The following ATP8A2 variants were observed in gnomAD, a reference collection of about 807,000 sequenced individuals.
The protein encoded by ATP8A2 is ATPase phospholipid transporting 8A2.
In ATP8A2, 100 loss-of-function variants were observed where a neutral mutation model predicts 165.6. The observed-to-expected ratio is 0.60, with a 90% CI of 0.51 to 0.71. ATP8A2 has a LOEUF of 0.71. ATP8A2 is among the 30% of genes least tolerant of loss of function. The probability of loss-of-function intolerance (pLI) is 0.00; values close to 1 mark genes in which losing one functional copy is unlikely to be tolerated. For synonymous variants in ATP8A2, 543 were observed against 548.8 expected, an observed-to-expected ratio of 0.99 and a Z score of 0.15; for missense variants, 1,227 against 1,479.5, an observed-to-expected ratio of 0.83 and a Z score of 2.80.
At chr13:25,962,880 A>G (rs1955689127) in intron 34 of ATP8A2, among the ~76,000 whole-genome samples, 1 of 152,216 alleles carries the variant, frequency 6.6e-6, no homozygotes, top group African/African-American at 2.4e-5. Flanking sequence ...AGAGGGGGAA[A>G]GAATATTATA....
intron 27 of ATP8A2, among the ~76,000 whole-genome samples, chr13:25,793,584 G>C (rs1344885208): frequency 6.6e-6 from 1 of 152,184 alleles, no homozygotes; most frequent in African/African-American, 2.4e-5. Context: ...GCACATATAT[G>C]TGTATAATTG....
chr13:25,752,263 C>G (rs1368518187), intron 25 of ATP8A2, among the ~76,000 whole-genome samples: 1 of 151,976 alleles, frequency 6.6e-6, no homozygotes, highest in African/African-American at 2.4e-5. Flanking sequence ...GAGTTCAAGA[C>G]CAGCCTGGCC....
chr13:25,792,958 G>A (rs983475224), intron 27 of ATP8A2, among the ~76,000 whole-genome samples: 2 of 149,380 alleles, frequency 1.3e-5, no homozygotes, highest in Admixed American at 1.3e-4. Context: ...AGGAAAGAAG[G>A]AAGGAAGGAG....
At chr13:25,956,255 G>A (rs775776163) in intron 33 of ATP8A2, among the ~76,000 whole-genome samples, 23 of 152,190 alleles carry the variant, frequency 1.5e-4, no homozygotes, top group Non-Finnish European at 2.9e-4. Flanking sequence ...ACGTAGTATT[G>A]GAAGTTCTGG....
intron 24 of ATP8A2, among the ~76,000 whole-genome samples, chr13:25,684,192 A>G (rs563427219): frequency 6.6e-6 from 1 of 152,298 alleles, no homozygotes; most frequent in South Asian, 2.1e-4. Context: ...GCAGAGTGGG[A>G]AGTTTGTATG....
At chr13:25,543,080 T>TC (rs1234418467) in intron 9 of ATP8A2, among the ~76,000 whole-genome samples, 4 of 152,200 alleles carry the variant, frequency 2.6e-5, no homozygotes, top group Non-Finnish European at 5.9e-5. Flanking sequence ...GCATTTTTTT[T>TC]CTGTAGTGAT....
At chr13:25,611,799 C>T (rs976872908) in intron 24 of ATP8A2, among the ~76,000 whole-genome samples, 2 of 152,050 alleles carry the variant, frequency 1.3e-5, no homozygotes, top group Non-Finnish European at 2.9e-5. Context: ...TTAAAATTAC[C>T]ATTTTAATGT....
chr13:25,815,031 T>C (rs1209038068), intron 27 of ATP8A2, among the ~76,000 whole-genome samples: 1 of 149,454 alleles, frequency 6.7e-6, no homozygotes, highest in Non-Finnish European at 1.5e-5. Flanking sequence ...GAGACCTTGT[T>C]TCAAAAAAAA....
chr13:25,801,023 A>C (rs1950612091), intron 27 of ATP8A2, among the ~76,000 whole-genome samples: 1 of 152,200 alleles, frequency 6.6e-6, no homozygotes, highest in African/African-American at 2.4e-5. Flanking sequence ...TCCGAGCCCT[A>C]ATCTTGCTCA....
chr13:25,999,844 C>A (rs1956599640), intron 35 of ATP8A2, among the ~76,000 whole-genome samples: 1 of 152,182 alleles, frequency 6.6e-6, no homozygotes, highest in Non-Finnish European at 1.5e-5. Flanking sequence ...AATGGAATTT[C>A]TGGAGGGCTC....
At chr13:25,629,945 AACG>A (rs2137506245) in intron 24 of ATP8A2, among the ~76,000 whole-genome samples, 1 of 152,286 alleles carries the variant, frequency 6.6e-6, no homozygotes, top group South Asian at 2.1e-4. Flanking sequence ...TGGCAAAGTC[AACG>A]ACTTTAGAGT....
intron 24 of ATP8A2, among the ~76,000 whole-genome samples, chr13:25,611,281 G>GA (rs2040679972): frequency 3.9e-5 from 6 of 151,962 alleles, no homozygotes; most frequent in African/African-American, 1.4e-4. Context: ...TTTTGACTGT[G>GA]GGTTTGTCAT....
chr13:25,414,057 C>T lies in ATP8A2; in HGVS notation c.76+41769C>T, dbSNP rs145701787. ...AACCATGGAGGAACCTTGGTGATCA[C>T]TAAGCCTGACTTTCACTCCCAGATT... On this transcript the variant is annotated intron_variant, in intron 1 of 36. Transcript: ENST00000381655. 6.6e-3 allele frequency among the ~76,000 whole-genome samples: 1,007 copies of T among 152,110 alleles called. 15 individuals are homozygous for T. Among genetic ancestry groups the T allele is most frequent in the African/African-American group, 0.023 (949 of 41,480 alleles).
At chr13:25,980,304 G>A (rs1034609876) in intron 35 of ATP8A2, among the ~76,000 whole-genome samples, 2 of 152,158 alleles carry the variant, frequency 1.3e-5, no homozygotes, top group Non-Finnish European at 2.9e-5. Flanking sequence ...TGCTTCTGAG[G>A]CCTTCTCAGT....
At chr13:25,841,547 C>T (rs1042107427) in intron 30 of ATP8A2, among the ~76,000 whole-genome samples, 2 of 152,150 alleles carry the variant, frequency 1.3e-5, no homozygotes, top group Non-Finnish European at 2.9e-5. Context: ...GTTGACTTCC[C>T]CTAACAAATT....
chr13:25,752,375 C>T (rs898976200), intron 25 of ATP8A2, among the ~76,000 whole-genome samples: 2 of 151,948 alleles, frequency 1.3e-5, no homozygotes, highest in East Asian at 1.9e-4. Flanking sequence ...GCAGGAGAAT[C>T]GCTTGAACCC....
chr13:25,377,107 T>C (rs1308425040), intron 1 of ATP8A2, among the ~76,000 whole-genome samples: 1 of 152,198 alleles, frequency 6.6e-6, no homozygotes, highest in Non-Finnish European at 1.5e-5. Context: ...GCTAGACAAA[T>C]GGAATATTTT....
chr13:25,516,177 T>C (rs2137810682), intron 2 of ATP8A2, among the ~76,000 whole-genome samples: 1 of 152,216 alleles, frequency 6.6e-6, no homozygotes, highest in South Asian at 2.1e-4. Context: ...ACCACTTCGG[T>C]TTAGCTTTCC....
intron 1 of ATP8A2, among the ~76,000 whole-genome samples, chr13:25,401,281 G>A (rs2033629114): frequency 6.6e-6 from 1 of 152,070 alleles, no homozygotes; most frequent in African/African-American, 2.4e-5. Context: ...ATGAGTATTG[G>A]GCAAATGAAA....
Sources: gnomAD v4.1 joint callset for allele counts (sites outside exome capture counted in the v4.1 genomes callset) on GRCh38, gnomAD v4.1.1 for gene constraint, MANE v1.5 for transcripts, NCBI Gene and HGNC (gene_info 2026-07-23, HGNC 2026-07-21) for gene names.